Variants in RIT2 observed in about 807,000 individuals in gnomAD.
The protein encoded by RIT2 is Ras like without CAAX 2.
In RIT2, 24 loss-of-function variants were observed where a neutral mutation model predicts 23.7. That is an observed-to-expected ratio of 1.01 (90% CI 0.73 to 1.43). The LOEUF is 1.43. Among genes scored for constraint, RIT2 ranks in the 40% most tolerant of loss-of-function variants. RIT2 has a pLI of 0.00. For synonymous variants in RIT2, 107 were observed against 91.1 expected (o/e 1.17, Z -0.99); for missense variants, 236 against 266.9 (o/e 0.88, Z 0.81).
chr18:42,791,181 T>C (rs1423712230), intron 4 of RIT2, among the ~76,000 whole-genome samples: 1 of 152,218 alleles, frequency 6.6e-6, no homozygotes, highest in East Asian at 1.9e-4. Context: ...TATAGTCATA[T>C]AAGATAATCT....
At chr18:42,856,317 A>AT in intron 4 of RIT2, among the ~76,000 whole-genome samples, 1 of 152,348 alleles carries the variant, frequency 6.6e-6, no homozygotes, top group East Asian at 1.9e-4. Context: ...GCCAAGAACA[A>AT]TCTAGGCAGA....
chr18:42,828,191 G>C (rs536657092), intron 4 of RIT2, among the ~76,000 whole-genome samples: 1 of 152,176 alleles, frequency 6.6e-6, no homozygotes, highest in East Asian at 1.9e-4. Flanking sequence ...AACCACTCTA[G>C]AGAGGGCTTT....
At chr18:43,100,782 G>A (rs991077117) in intron 1 of RIT2, among the ~76,000 whole-genome samples, 4 of 152,082 alleles carry the variant, frequency 2.6e-5, no homozygotes, top group Non-Finnish European at 5.9e-5. Context: ...CAATTGATAT[G>A]AGGGAGGCTG....
chr18:42,999,993 A>G (rs1014365799), intron 2 of RIT2, among the ~76,000 whole-genome samples: 1 of 152,078 alleles, frequency 6.6e-6, no homozygotes, highest in African/African-American at 2.4e-5. Flanking sequence ...CCTTTTTCAG[A>G]TTAATGGCAT....
At chr18:43,086,688 C>T (rs1913290516) in intron 1 of RIT2, among the ~76,000 whole-genome samples, 3 of 152,090 alleles carry the variant, frequency 2.0e-5, no homozygotes, top group South Asian at 4.1e-4. Flanking sequence ...TGAAATAAAG[C>T]ATGCAAAGGG....
intron 4 of RIT2, among the ~76,000 whole-genome samples, chr18:42,891,938 G>T (rs946622307): frequency 6.6e-6 from 1 of 152,122 alleles, no homozygotes; most frequent in Non-Finnish European, 1.5e-5. Context: ...TGTGACAAAT[G>T]GACTATTCTA....
At chr18:43,030,809 G>T (rs1911836401) in intron 2 of RIT2, among the ~76,000 whole-genome samples, 1 of 151,952 alleles carries the variant, frequency 6.6e-6, no homozygotes, top group Admixed American at 6.6e-5. Flanking sequence ...TGGTGGATCG[G>T]GTGCTTTACC....
At chr18:42,840,299 A>G (rs766781430) in intron 4 of RIT2, among the ~76,000 whole-genome samples, 34 of 152,320 alleles carry the variant, frequency 2.2e-4, no homozygotes, top group Admixed American at 1.9e-3. Flanking sequence ...ACAATATTAG[A>G]AAATTATTTA....
intron 4 of RIT2, among the ~76,000 whole-genome samples, chr18:42,854,965 G>A (rs540851916): frequency 6.6e-6 from 1 of 152,180 alleles, no homozygotes; most frequent in Admixed American, 6.5e-5. Flanking sequence ...TATAAAGGTG[G>A]TATTCTCCCT....
intron 4 of RIT2, among the ~76,000 whole-genome samples, chr18:42,899,637 G>A (rs557369645): frequency 6.6e-6 from 1 of 152,106 alleles, no homozygotes; most frequent in Non-Finnish European, 1.5e-5. Flanking sequence ...AACCTGAGGT[G>A]CATTAAAAGC....
intron 1 of RIT2, among the ~76,000 whole-genome samples, chr18:43,108,440 G>T (rs932889236): frequency 1.3e-5 from 2 of 151,862 alleles, no homozygotes; most frequent in African/African-American, 4.8e-5. Context: ...CAGGGTGAGG[G>T]GTATAGTAAG....
At chr18:42,800,687 G>A (rs1184554323) in intron 4 of RIT2, among the ~76,000 whole-genome samples, 5 of 151,646 alleles carry the variant, frequency 3.3e-5, no homozygotes, top group African/African-American at 7.3e-5. Flanking sequence ...CCGCCCCCAC[G>A]CCCAGCTAAT....
At chr18:42,902,457 T>A (rs891597534) in intron 4 of RIT2, among the ~76,000 whole-genome samples, 1 of 151,794 alleles carries the variant, frequency 6.6e-6, no homozygotes, top group East Asian at 1.9e-4. Context: ...GATGTTCTGT[T>A]TCTTGGGTAT....
chr18:42,788,187 C>T (rs1322754772), intron 4 of RIT2, among the ~76,000 whole-genome samples: 3 of 151,976 alleles, frequency 2.0e-5, no homozygotes, highest in African/African-American at 7.2e-5. Flanking sequence ...TGGTTTAATA[C>T]AAAACAGCTA....
intron 3 of RIT2, among the ~76,000 whole-genome samples, chr18:42,955,843 C>G (rs2144179393): frequency 6.6e-6 from 1 of 152,210 alleles, no homozygotes; most frequent in East Asian, 1.9e-4. Context: ...ATTCCTTGTT[C>G]CCTCTTTCCA....
chr18:43,047,385 T>G (rs1912274290), intron 1 of RIT2, among the ~76,000 whole-genome samples: 1 of 152,122 alleles, frequency 6.6e-6, no homozygotes, highest in African/African-American at 2.4e-5. Flanking sequence ...GAATTAAAAA[T>G]TAATGCTGTG....
At chr18:42,980,644 T>C (rs1910578549) in intron 2 of RIT2, among the ~76,000 whole-genome samples, 1 of 152,162 alleles carries the variant, frequency 6.6e-6, no homozygotes, top group Non-Finnish European at 1.5e-5. Context: ...CTTGTCAGAA[T>C]GTCTGTGCCC....
intron 3 of RIT2, among the ~76,000 whole-genome samples, chr18:42,935,201 G>T (rs1236883264): frequency 6.6e-6 from 1 of 152,166 alleles, no homozygotes; most frequent in African/African-American, 2.4e-5. Flanking sequence ...GAAGATACAA[G>T]GTCTAACTGT....
chr18:42,776,678 A>G (rs1001152024), intron 4 of RIT2, among the ~76,000 whole-genome samples: 1 of 151,746 alleles, frequency 6.6e-6, no homozygotes, highest in African/African-American at 2.4e-5. Flanking sequence ...AGGCTCAGAG[A>G]GATTTAACAA....
Sources: gnomAD v4.1 joint callset for allele counts (sites outside exome capture counted in the v4.1 genomes callset) on GRCh38, gnomAD v4.1.1 for gene constraint, MANE v1.5 for transcripts, NCBI Gene and HGNC (gene_info 2026-07-23, HGNC 2026-07-21) for gene names.